The following VOPP1 variants were observed in gnomAD, a reference collection of about 807,000 sequenced individuals.
The protein encoded by VOPP1 is VOPP1 WW domain binding protein.
Under a neutral mutation model 23.5 loss-of-function variants are expected in VOPP1, and 8 were observed. The ratio of observed to expected loss-of-function variants is 0.34; its 90% CI spans 0.20 to 0.61. The LOEUF (loss-of-function observed/expected upper bound fraction) is 0.61, where lower values mean the gene tolerates loss of function less well. Ranked by LOEUF, VOPP1 falls within the 20% of genes least tolerant of loss-of-function variation. The pLI, the probability that VOPP1 is intolerant of heterozygous loss-of-function variation, is 0.78. For synonymous variants in VOPP1, 83 were observed against 97.3 expected, an observed-to-expected ratio of 0.85 and a Z score of 0.86; for missense variants, 174 against 238.1, an observed-to-expected ratio of 0.73 and a Z score of 1.77.
At chr7:55,512,033 T>G (rs148103011) in intron 2 of VOPP1, among the ~76,000 whole-genome samples, 32 of 152,322 alleles carry the variant, frequency 2.1e-4, no homozygotes, top group African/African-American at 7.5e-4. Flanking sequence ...CCTGTATAAA[T>G]GAATGATGAG....
At chr7:55,551,077 G>T (rs1797586870) in intron 1 of VOPP1, among the ~76,000 whole-genome samples, 1 of 152,052 alleles carries the variant, frequency 6.6e-6, no homozygotes. Flanking sequence ...GGTTGGGTTG[G>T]CAAATTATCT....
intron 1 of VOPP1, among the ~76,000 whole-genome samples, chr7:55,564,803 T>C (rs1394547381): frequency 6.6e-6 from 1 of 152,168 alleles, no homozygotes; most frequent in Non-Finnish European, 1.5e-5. Flanking sequence ...CCAAAGGGCC[T>C]CCAGCAACAC....
downstream of VOPP1, among the ~76,000 whole-genome samples, chr7:55,435,158 T>C (rs1562874139): frequency 6.6e-6 from 1 of 152,194 alleles, no homozygotes; most frequent in South Asian, 2.1e-4. Flanking sequence ...GATGGGACCA[T>C]TGGTGGTCCT....
At chr7:55,444,224 A>C (rs1397327396) in intron 4 of VOPP1, among the ~76,000 whole-genome samples, 1 of 152,230 alleles carries the variant, frequency 6.6e-6, no homozygotes, top group Non-Finnish European at 1.5e-5. Flanking sequence ...GTTAGAGATC[A>C]TCGGACAAGA....
At chr7:55,438,910 G>T (rs1790896629) in intron 4 of VOPP1, among the ~76,000 whole-genome samples, 3 of 152,160 alleles carry the variant, frequency 2.0e-5, no homozygotes, top group Non-Finnish European at 4.4e-5. Context: ...GGACTTCCTG[G>T]CAGTCAGGGG....
intron 1 of VOPP1, chr7:55,521,867 CTA>C (rs1795886157): frequency 9.2e-6 from 9 of 983,602 alleles, no homozygotes; most frequent in Admixed American, 6.2e-5. Context: ...AGGGAGCTCT[CTA>C]TGCAGAGATG....
chr7:55,436,615 TGA>T (rs1443080271), intron 4 of VOPP1, among the ~76,000 whole-genome samples: 1 of 149,126 alleles, frequency 6.7e-6, no homozygotes, highest in African/African-American at 2.5e-5. Flanking sequence ...TGTGTGTGCA[TGA>T]GTGTGTGTGT....
chr7:55,543,185 G>A (rs1797210872), intron 1 of VOPP1, among the ~76,000 whole-genome samples: 1 of 152,134 alleles, frequency 6.6e-6, no homozygotes, highest in African/African-American at 2.4e-5. Context: ...AAAGTGCTGG[G>A]ATTACAGGCA....
intron 3 of VOPP1, among the ~76,000 whole-genome samples, chr7:55,495,064 G>A (rs962640002): frequency 9.9e-5 from 15 of 151,190 alleles, no homozygotes; most frequent in African/African-American, 3.2e-4. Flanking sequence ...CCCCAGCCCC[G>A]AGTGTAGCAG....
chr7:55,516,563 C>CA (rs935957005), intron 2 of VOPP1, among the ~76,000 whole-genome samples: 1 of 152,134 alleles, frequency 6.6e-6, no homozygotes, highest in African/African-American at 2.4e-5. Flanking sequence ...AATGCAGGGA[C>CA]AGGCAGAGTA....
At chr7:55,502,463 C>T (rs955897724) in intron 2 of VOPP1, among the ~76,000 whole-genome samples, 3 of 152,236 alleles carry the variant, frequency 2.0e-5, no homozygotes, top group Non-Finnish European at 4.4e-5. Flanking sequence ...CGCATTCTTG[C>T]GGCTCATCTG....
At chr7:55,512,120 T>C (rs1795108051) in intron 2 of VOPP1, among the ~76,000 whole-genome samples, 1 of 152,130 alleles carries the variant, frequency 6.6e-6, no homozygotes, top group Admixed American at 6.5e-5. Context: ...ATAGTCACAA[T>C]GTACAGTTAA....
chr7:55,493,166 GA>G (rs1793702367), intron 3 of VOPP1: 1 of 152,206 alleles, frequency 6.6e-6, no homozygotes, highest in Admixed American at 6.5e-5. Flanking sequence ...ATGAACACAT[GA>G]ATGGCTTCCT....
At chr7:55,513,420 G>C (rs1795208573) in intron 2 of VOPP1, among the ~76,000 whole-genome samples, 1 of 152,196 alleles carries the variant, frequency 6.6e-6, no homozygotes. Context: ...TCTCCTTTGA[G>C]CTTGGCAGTG....
intron 4 of VOPP1, among the ~76,000 whole-genome samples, chr7:55,490,298 C>G (rs138937317): frequency 0.012 from 1,771 of 152,218 alleles, 12 homozygotes; most frequent in Middle Eastern, 0.02. Context: ...CAGATCTAAT[C>G]GCCTGGTTGC....
chr7:55,449,484 A>G (rs1363770936), intron 4 of VOPP1, among the ~76,000 whole-genome samples: 3 of 152,158 alleles, frequency 2.0e-5, no homozygotes, highest in Non-Finnish European at 4.4e-5. Context: ...CCAGGCCTGC[A>G]CTACGCCGGG....
chr7:55,552,375 G>A (rs1290759605), intron 1 of VOPP1, among the ~76,000 whole-genome samples: 1 of 152,192 alleles, frequency 6.6e-6, no homozygotes, highest in East Asian at 1.9e-4. Context: ...AATGGGGTGG[G>A]AAATAGTTTC....
At chr7:55,555,072 A>C (rs1207038648) in intron 1 of VOPP1, among the ~76,000 whole-genome samples, 1 of 152,264 alleles carries the variant, frequency 6.6e-6, no homozygotes, top group Non-Finnish European at 1.5e-5. Flanking sequence ...CTAGGCCACA[A>C]GAAAAATCCA....
At chr7:55,556,438 T>TA (rs1797806932) in intron 1 of VOPP1, among the ~76,000 whole-genome samples, 1 of 152,158 alleles carries the variant, frequency 6.6e-6, no homozygotes, top group African/African-American at 2.4e-5. Context: ...ACACATTACT[T>TA]AGGATAACAT....
Sources: gnomAD v4.1 joint callset for allele counts (sites outside exome capture counted in the v4.1 genomes callset) on GRCh38, gnomAD v4.1.1 for gene constraint, MANE v1.5 for transcripts, NCBI Gene and HGNC (gene_info 2026-07-23, HGNC 2026-07-21) for gene names.